TVP23A: variants seen among roughly 807,000 people sequenced by gnomAD.
TVP23A encodes the protein trans-golgi network vesicle protein 23 homolog A.
In TVP23A, 21 loss-of-function variants were observed where a neutral mutation model predicts 31.7. The ratio of observed to expected loss-of-function variants is 0.66; its 90% CI spans 0.47 to 0.95. The LOEUF is 0.95. TVP23A is among the 40% of genes least tolerant of loss of function. The pLI, the probability that TVP23A is intolerant of heterozygous loss-of-function variation, is 0.00. For synonymous variants in TVP23A, 104 were observed against 96.0 expected (o/e 1.08, Z -0.49); for missense variants, 279 against 255.6 (o/e 1.09, Z -0.62).
rs909791169 is a variant in TVP23A at position 10,818,741 on chromosome 16, G to A, written c.-248C>T. The A allele has an allele frequency of 2.0e-6, 1 of 494,762 alleles. No individual in the cohort carries two copies. The highest frequency in any genetic ancestry group is 3.6e-5 in the East Asian group (1 of 28,060). The allele number at this position is 494,762 out of a possible 1,614,324, so 30.6% of individuals were successfully genotyped here. ...CGGGGACGCGCCCAGGAGAGAAAGCGGCGGCAGGGAGGCAACGGCCTGGGG... is the reference window on the plus strand; with the variant it reads ...CGGGGACGCGCCCAGGAGAGAAAGCAGCGGCAGGGAGGCAACGGCCTGGGG... On this transcript the variant is annotated 5_prime_UTR_variant, in exon 1 of 8. Coordinates refer to ENST00000299866, the MANE Select transcript of TVP23A (RefSeq NM_001079512.4). This position sits in a 1 kb window ranked among gnomAD's most constrained non-coding sequence, Gnocchi z 4.7.
intron 2 of TVP23A, among the ~76,000 whole-genome samples, chr16:10,794,877 G>T (rs2142993154): frequency 6.6e-6 from 1 of 152,158 alleles, no homozygotes; most frequent in African/African-American, 2.4e-5. Flanking sequence ...CTCAGCCCAG[G>T]GTTTCCAGGC....
intron 2 of TVP23A, among the ~76,000 whole-genome samples, chr16:10,776,569 C>T (rs182667465): frequency 3.4e-4 from 51 of 152,160 alleles, no homozygotes; most frequent in African/African-American, 9.9e-4. Context: ...ATCAATGGCA[C>T]GAGCCCAGTT....
chr16:10,780,610 A>G (rs759613621), intron 2 of TVP23A, among the ~76,000 whole-genome samples: 29 of 152,010 alleles, frequency 1.9e-4, no homozygotes, highest in Non-Finnish European at 4.0e-4. Context: ...CCTGGCTCTA[A>G]TCTCTGAGTA....
At chr16:10,797,391 A>T (rs1298506211) in intron 2 of TVP23A, among the ~76,000 whole-genome samples, 2 of 151,962 alleles carry the variant, frequency 1.3e-5, no homozygotes, top group African/African-American at 4.8e-5. Flanking sequence ...ACATAAAAAA[A>T]AAAATAAAAG....
Position 10,818,572 on chromosome 16 carries a change from G to C in TVP23A, c.-79C>G. The C allele has an allele frequency of 6.5e-7, 1 of 1,539,088 alleles. No individual in the cohort carries two copies. Among genetic ancestry groups the C allele is most frequent in the South Asian group, 1.2e-5 (1 of 83,848 alleles). On this transcript the variant is annotated 5_prime_UTR_variant, in exon 1 of 8. Transcript: ENST00000299866. The surrounding 1 kb of genome is among the most constrained non-coding windows in gnomAD (Gnocchi z 4.7). Reference sequence around the variant, plus strand: ...TCGCCGCTGAAGGGGTCGGACGCCGGGCGGGCGGATGTAGGCAGCAGACGG... The same window carrying C: ...TCGCCGCTGAAGGGGTCGGACGCCGCGCGGGCGGATGTAGGCAGCAGACGG...
chr16:10,808,436 G>A (rs977751795), intron 2 of TVP23A: 58 of 445,256 alleles, frequency 1.3e-4, no homozygotes, highest in African/African-American at 9.7e-4. Flanking sequence ...TTCCTGTAGT[G>A]TCTGAGACCA....
intron 2 of TVP23A, among the ~76,000 whole-genome samples, chr16:10,808,212 G>C (rs144559543): frequency 1.6e-4 from 25 of 152,156 alleles, no homozygotes; most frequent in African/African-American, 5.3e-4. Context: ...GTTTGCTATT[G>C]TTATTTTTCA....
At chr16:10,783,991 G>C (rs748050058) in intron 2 of TVP23A, among the ~76,000 whole-genome samples, 2 of 152,086 alleles carry the variant, frequency 1.3e-5, no homozygotes, top group Admixed American at 6.6e-5. Flanking sequence ...AAACTACTCT[G>C]TATGATGTTG....
intron 4 of TVP23A, 38 bp downstream of exon 4, chr16:10,774,001 T>C: frequency 6.5e-7 from 1 of 1,527,638 alleles, no homozygotes; most frequent in Non-Finnish European, 9.0e-7. Context: ...ACACCCATTA[T>C]CCCCGCTCTG....
chr16:10,773,612 C>T (rs145924768), intron 4 of TVP23A, among the ~76,000 whole-genome samples, 171 bp from the exon 5 acceptor site: 138 of 152,176 alleles, frequency 9.1e-4, no homozygotes, highest in African/African-American at 2.9e-3. Flanking sequence ...ATTGTGTCAC[C>T]CAGGCTGGAG....
chr16:10,790,581 G>A (rs570379747), intron 2 of TVP23A, among the ~76,000 whole-genome samples: 14 of 152,150 alleles, frequency 9.2e-5, no homozygotes, highest in South Asian at 6.2e-4. Context: ...CACTGCGCCC[G>A]ACCATCTTGG....
At chr16:10,780,483 T>C (rs146629603) in intron 2 of TVP23A, among the ~76,000 whole-genome samples, 21 of 152,312 alleles carry the variant, frequency 1.4e-4, no homozygotes, top group African/African-American at 5.1e-4. Flanking sequence ...CTCTCTCAGC[T>C]TTTAATATTT....
intron 2 of TVP23A, among the ~76,000 whole-genome samples, chr16:10,815,962 C>T (rs2034417772): frequency 1.3e-5 from 2 of 151,204 alleles, no homozygotes; most frequent in African/African-American, 2.5e-5. Flanking sequence ...TGGCTCATGC[C>T]TGTAATCCCA....
rs879073710 is a variant in TVP23A, at chr16:10,767,567, T to C, written c.*1535A>G. 4.4e-6 allele frequency: 2 copies of C among 453,090 alleles called. No individual in the cohort carries two copies. The highest frequency in any genetic ancestry group is 1.3e-4 in the South Asian group (2 of 15,758). The allele number at this position is 453,090 out of a possible 1,614,324, so 28.1% of individuals were successfully genotyped here. A position where few individuals can be genotyped will look rare whatever the true frequency, so the allele number is the denominator to read the frequency against. On this transcript the variant is annotated 3_prime_UTR_variant, in exon 8 of 8. Coordinates refer to ENST00000299866, the MANE Select transcript of TVP23A (RefSeq NM_001079512.4). The surrounding 1 kb of genome is among the most constrained non-coding windows in gnomAD (Gnocchi z 4.6). ...GAACACTAGTAGCCCTTTTCGGACT[T>C]GGCCTTTTATGCCATATCCTTTTGC...
chr16:10,763,084 C>T (rs916696863), downstream of TVP23A, among the ~76,000 whole-genome samples: 3 of 152,018 alleles, frequency 2.0e-5, no homozygotes, highest in Non-Finnish European at 4.4e-5. Context: ...TCCCTGCTGC[C>T]AGTACAAGTC....
At chr16:10,765,402 G>A (rs1346897346), downstream of TVP23A, among the ~76,000 whole-genome samples, 1 of 151,576 alleles carries the variant, frequency 6.6e-6, no homozygotes, top group Non-Finnish European at 1.5e-5. This position sits in a 1 kb window ranked among gnomAD's most constrained non-coding sequence, Gnocchi z 4.0. Context: ...AGCTACTCAG[G>A]AGGCTGAGTT....
intron 2 of TVP23A, among the ~76,000 whole-genome samples, chr16:10,789,677 A>AAAG (rs2032983418): frequency 6.6e-6 from 1 of 150,606 alleles, no homozygotes; most frequent in African/African-American, 2.4e-5. Flanking sequence ...AAAAAAAAAA[A>AAAG]AAAAAAAAAA....
At chr16:10,776,586 C>T (rs1475164090) in intron 2 of TVP23A, among the ~76,000 whole-genome samples, 1 of 151,990 alleles carries the variant, frequency 6.6e-6, no homozygotes, top group Non-Finnish European at 1.5e-5. Flanking sequence ...AGTTGTTATA[C>T]CAGAAAGGGT....
At chr16:10,772,081 A>G (rs927193420) in intron 5 of TVP23A, among the ~76,000 whole-genome samples, 12 of 152,190 alleles carry the variant, frequency 7.9e-5, no homozygotes, top group African/African-American at 2.9e-4. Context: ...ATTTACAGAA[A>G]TGCACCTCTC....
Sources: gnomAD v4.1 joint callset for allele counts (sites outside exome capture counted in the v4.1 genomes callset) on GRCh38, gnomAD v4.1.1 for gene constraint, Gnocchi (gnomAD v3.1) non-coding constraint, MANE v1.5 for transcripts, NCBI Gene and HGNC (gene_info 2026-07-23, HGNC 2026-07-21) for gene names.